Variants in YEATS2 observed in about 807,000 individuals in gnomAD.
The protein encoded by YEATS2 is YEATS domain containing 2.
A neutral mutation model predicts 163.2 loss-of-function variants in YEATS2; 77 were observed. That is an observed-to-expected ratio of 0.47 (90% CI 0.39 to 0.57). The LOEUF is 0.57. Ranked by LOEUF, YEATS2 falls within the 20% of genes least tolerant of loss-of-function variation. The pLI is 0.00. For synonymous variants in YEATS2, 631 were observed against 645.1 expected, an observed-to-expected ratio of 0.98 and a Z score of 0.33; for missense variants, 1,549 against 1,729.8, an observed-to-expected ratio of 0.90 and a Z score of 1.85.
At chr3:183,792,031 A>G (rs1187055273) in intron 21 of YEATS2, among the ~76,000 whole-genome samples, 9 of 152,202 alleles carry the variant, frequency 5.9e-5, no homozygotes, top group Admixed American at 5.2e-4. Context: ...TATATAAACA[A>G]TTGCCACTGC....
At chr3:183,751,412 A>G (rs993920297) in intron 9 of YEATS2, among the ~76,000 whole-genome samples, 5 of 152,208 alleles carry the variant, frequency 3.3e-5, no homozygotes, top group Non-Finnish European at 4.4e-5. Flanking sequence ...TGTATTCATC[A>G]TATAATAATC....
chr3:183,771,164 T>C (rs1334797785), intron 15 of YEATS2, among the ~76,000 whole-genome samples: 1 of 152,216 alleles, frequency 6.6e-6, no homozygotes, highest in Non-Finnish European at 1.5e-5. Context: ...ATTCCTATTT[T>C]CCCCACAGCC....
chr3:183,788,074 T>G (rs1724237128), intron 20 of YEATS2, among the ~76,000 whole-genome samples: 1 of 152,212 alleles, frequency 6.6e-6, no homozygotes, highest in Non-Finnish European at 1.5e-5. Flanking sequence ...ATGTGATGTT[T>G]TGATGCAGGC....
At chr3:183,754,051 T>C in intron 10 of YEATS2, 75 bp from the exon 11 acceptor site, 1 of 1,458,160 alleles carries the variant, frequency 6.9e-7, no homozygotes, top group East Asian at 2.3e-5. Context: ...TGCATTTTTA[T>C]TCTTTTTCCA....
intron 2 of YEATS2, among the ~76,000 whole-genome samples, chr3:183,716,000 C>T (rs535399283): frequency 1.3e-5 from 2 of 152,210 alleles, no homozygotes; most frequent in South Asian, 4.2e-4. Context: ...TGCTCTGTCC[C>T]CCAGGCTGGA....
chr3:183,751,768 A>G (rs2109285056), intron 9 of YEATS2, among the ~76,000 whole-genome samples: 1 of 152,342 alleles, frequency 6.6e-6, no homozygotes, highest in East Asian at 1.9e-4. Flanking sequence ...GCAGCCATGC[A>G]AAGATTTGGA....
intron 1 of YEATS2, among the ~76,000 whole-genome samples, chr3:183,702,453 A>T (rs934767071): frequency 6.6e-6 from 1 of 151,558 alleles, no homozygotes; most frequent in Non-Finnish European, 1.5e-5. Context: ...TCAAAAAATT[A>T]AAAAAATTAC....
At chr3:183,804,276 T>C in intron 27 of YEATS2, 88 bp downstream of exon 27, 1 of 1,512,362 alleles carries the variant, frequency 6.6e-7, no homozygotes, top group East Asian at 2.3e-5. Flanking sequence ...GAAGAGTTGC[T>C]GTAGAGAACG....
intron 1 of YEATS2, among the ~76,000 whole-genome samples, chr3:183,700,598 C>CTTTT (rs748017835): frequency 2.8e-4 from 36 of 126,584 alleles, no homozygotes; most frequent in Non-Finnish European, 4.1e-4. Flanking sequence ...TCTTTTCTTT[C>CTTTT]TTTTTTTTTT....
intron 9 of YEATS2, among the ~76,000 whole-genome samples, chr3:183,749,408 A>G (rs1343377494): frequency 1.3e-5 from 2 of 150,936 alleles, no homozygotes; most frequent in Non-Finnish European, 3.0e-5. Flanking sequence ...CAGAGCTGAA[A>G]CTCTGTACCC....
intron 15 of YEATS2, 131 bp downstream of exon 15, chr3:183,762,410 T>A (rs1721461328): frequency 8.8e-7 from 1 of 1,141,798 alleles, no homozygotes; most frequent in African/African-American, 1.6e-5. Flanking sequence ...GAAAGCCTAG[T>A]TGGAAAAACA....
At chr3:183,802,319 A>G (rs908677076) in intron 25 of YEATS2, 2 of 152,694 alleles carry the variant, frequency 1.3e-5, no homozygotes, top group African/African-American at 4.8e-5. Context: ...GAACACATAC[A>G]CCAGGTACAG....
chr3:183,756,718 C>A, intron 12 of YEATS2, 29 bp downstream of exon 12: 1 of 1,387,498 alleles, frequency 7.2e-7, no homozygotes, highest in South Asian at 2.0e-5. Flanking sequence ...TTTGTACCAT[C>A]TAAAGGGTTT....
At chr3:183,759,447 A>T (rs574883335) in intron 13 of YEATS2, among the ~76,000 whole-genome samples, 1 of 152,222 alleles carries the variant, frequency 6.6e-6, no homozygotes, top group Non-Finnish European at 1.5e-5. Context: ...ATACTTGCTT[A>T]TAAAAATATT....
intron 16 of YEATS2, 42 bp from the exon 17 acceptor site, chr3:183,773,591 G>T: frequency 6.5e-7 from 1 of 1,542,110 alleles, no homozygotes; most frequent in Non-Finnish European, 8.7e-7. Context: ...GTTGCCCTTA[G>T]TTTCAATTTA....
chr3:183,728,753 C>G lies in YEATS2; in HGVS notation c.714C>G (p.Val238=). Residue 238 remains valine, a synonymous_variant, in exon 7 of 31, where the codon GTC becomes GTG. Transcript: ENST00000305135. The part of the protein sequence containing the change: ...DQSTHKWMVY[V]RGSRREPSIN... ...CAACTCATAAGTGGATGGTATATGT[C>G]CGAGGGTCCCGTAGAGAACCCAGCA... 6.2e-7 allele frequency: 1 copy of G among 1,613,978 alleles called. No homozygotes were observed.
At chr3:183,702,544 A>G (rs746625718) in intron 1 of YEATS2, among the ~76,000 whole-genome samples, 3 of 151,984 alleles carry the variant, frequency 2.0e-5, no homozygotes, top group Non-Finnish European at 4.4e-5. Flanking sequence ...GGGTAAAGGA[A>G]TGGTAAAAGT....
intron 1 of YEATS2, among the ~76,000 whole-genome samples, chr3:183,709,495 C>T (rs1051170861): frequency 6.6e-6 from 1 of 151,502 alleles, no homozygotes; most frequent in Non-Finnish European, 1.5e-5. Flanking sequence ...CTACCATGGC[C>T]GGCTAATTTT....
intron 7 of YEATS2, among the ~76,000 whole-genome samples, chr3:183,733,554 A>T (rs977426506): frequency 6.6e-6 from 1 of 152,246 alleles, no homozygotes. Context: ...AGGTTTAATT[A>T]TAACTCTTAG....
Sources: gnomAD v4.1 joint callset for allele counts (sites outside exome capture counted in the v4.1 genomes callset) on GRCh38, gnomAD v4.1.1 for gene constraint, MANE v1.5 for transcripts, NCBI Gene and HGNC (gene_info 2026-07-23, HGNC 2026-07-21) for gene names.